The following PER3 variants were observed in gnomAD, a reference collection of about 807,000 sequenced individuals.
PER3 encodes period circadian regulator 3.
In PER3, 107 loss-of-function variants were observed where a neutral mutation model predicts 127.2. The observed-to-expected ratio is 0.84, with a 90% CI of 0.72 to 0.99. The LOEUF (loss-of-function observed/expected upper bound fraction) is 0.99, where lower values mean the gene tolerates loss of function less well. PER3 is among the 50% of genes least tolerant of loss of function. The pLI, the probability that PER3 is intolerant of heterozygous loss-of-function variation, is 0.00. For synonymous variants in PER3, 618 were observed against 585.8 expected (o/e 1.05, Z -0.79); for missense variants, 1,560 against 1,525.8 (o/e 1.02, Z -0.37).
Position 7,826,790 on chromosome 1 carries a change from T to TA in PER3, c.2188+80_2188+81insA. On this transcript the variant is annotated intron_variant, in intron 17 of 21. Transcript: ENST00000377532. This position sits in a 1 kb window ranked among gnomAD's most constrained non-coding sequence, Gnocchi z 4.2. ...TATCTAAGGACTAGGAGATAAGGAGTGAACAATAGGAGTTTTACTTGTAAG... is the reference window on the plus strand; with the variant it reads ...TATCTAAGGACTAGGAGATAAGGAGTAGAACAATAGGAGTTTTACTTGTAAG... 1.2e-6 allele frequency: 1 copy of TA among 825,436 alleles called. No homozygotes were observed. Among genetic ancestry groups the TA allele is most frequent in the Non-Finnish European group, 2.0e-6 (1 of 498,196 alleles). 51.1% of individuals were successfully genotyped at this position (825,436 alleles called of 1,614,324 possible). A position where few individuals can be genotyped will look rare whatever the true frequency, so the allele number is the denominator to read the frequency against.
chr1:7,785,599 G>GTAAAC lies in PER3; in HGVS notation c.274+13_274+14insTAAAC. 1.2e-6 allele frequency: 2 copies of GTAAAC among 1,606,726 alleles called. No individual in the cohort carries two copies. Among genetic ancestry groups the GTAAAC allele is most frequent in the Non-Finnish European group, 1.7e-6 (2 of 1,175,706 alleles). On this transcript the variant is annotated intron_variant, in intron 3 of 21. Transcript: ENST00000377532. ...CACAGCGTTCAAGGTAAACAAGCCG[G>GTAAAC]AGAGAAATTTCATCCTACGAATGCA... is the stretch of plus-strand genomic sequence containing the variant.
rs1226271504 is a variant in PER3, at chr1:7,830,111, C to T, written c.3164C>T (p.Thr1055Met). ...CATCCTACTGCCACTGTTCTGTCCA[C>T]GGGGTCACCTCCCAGCGAATCCCCA... Reference protein sequence around the residue: ...PSHPTATVLSTGSPPSESPSR... With the variant: ...PSHPTATVLSMGSPPSESPSR... The change falls in exon 19 of 22, where the codon ACG becomes ATG. Residue 1055 changes from threonine (T) to methionine (M), a missense_variant. Transcript: ENST00000377532. The T allele has an allele frequency of 4.3e-6, 7 of 1,614,188 alleles. No homozygotes were observed. Among genetic ancestry groups the T allele is most frequent in the African/African-American group, 1.3e-5 (1 of 75,066 alleles).
rs374370707 is a variant in PER3, at chr1:7,785,529, A to G, written c.217A>G (p.Lys73Glu). The change falls in exon 3 of 22, where the codon AAA (lysine) becomes GAA (glutamate). Residue 73 changes from lysine (K) to glutamate (E), a missense_variant. Lys to Glu is a moderately conservative substitution (Grantham distance 56). Around this residue, in one of 3 missense-constraint regions of PER3, gnomAD observed 1,332 missense variants for 1,223.6 expected, o/e 1.09. Transcript: ENST00000377532. ...KKYFPSERRN[K>E]PSTLDALNYA... ...ATACTTCCCCTCGGAGAGACGCAAT[A>G]AACCAAGCACTCTAGATGCCCTCAA... 6.2e-7 allele frequency: 1 copy of G among 1,613,012 alleles called. No individual in the cohort carries two copies. Among genetic ancestry groups the G allele is most frequent in the Admixed American group, 1.7e-5 (1 of 60,002 alleles).
At chr1:7,786,321 A>G (rs1243351721) in intron 3 of PER3, among the ~76,000 whole-genome samples, 4 of 152,206 alleles carry the variant, frequency 2.6e-5, no homozygotes, top group Non-Finnish European at 5.9e-5. Flanking sequence ...AAAATGAACC[A>G]TTGTAAACAC....
chr1:7,822,020 T>TGAGTAGTAGAGTAGGGAATC (rs1553317011), intron 16 of PER3, among the ~76,000 whole-genome samples: 2 of 152,116 alleles, frequency 1.3e-5, no homozygotes, highest in Non-Finnish European at 2.9e-5. Flanking sequence ...ACACAGCCCA[T>TGAGTAGTAGAGTAGGGAATC]GAGTAGTAGA....
rs774780422 is a variant in PER3, at chr1:7,788,266, G to C, written c.592+20G>C. ...AAAGAGGTAACAGGACCAATGTTCA[G>C]ATGTCTATCTTTCCTCATCAAGATC... On this transcript the variant is annotated intron_variant, in intron 5 of 21. Coordinates refer to ENST00000377532, the MANE Select transcript of PER3 (RefSeq NM_001377275.1). 1.3e-6 allele frequency: 2 copies of C among 1,525,908 alleles called. No homozygotes were observed. The highest frequency in any genetic ancestry group is 1.7e-5 in the Admixed American group (1 of 59,888). 94.5% of individuals were successfully genotyped at this position (1,525,908 alleles called of 1,614,324 possible).
At position 7,785,545 on chromosome 1, in the gene PER3, A is replaced by G. The variant is rs774062010; in HGVS notation, c.233A>G (p.Asp78Gly). 2 of 1,613,810 alleles carry G rather than the reference A, an allele frequency of 1.2e-6. No individual in the cohort carries two copies. Among genetic ancestry groups the G allele is most frequent in the Admixed American group, 3.3e-5 (2 of 60,032 alleles). ...AGACGCAATAAACCAAGCACTCTAG[A>G]TGCCCTCAACTATGCTCTCCGCTGT... ...SERRNKPSTL[D>G]ALNYALRCVH... Residue 78 changes from aspartate to glycine, a missense_variant, in exon 3 of 22, where the codon GAT becomes GGT. Physicochemically the swap from Asp to Gly is moderately conservative, Grantham distance 94. Transcript: ENST00000377532.
intron 10 of PER3, among the ~76,000 whole-genome samples, chr1:7,808,617 G>A (rs2097206327): frequency 6.6e-6 from 1 of 152,162 alleles, no homozygotes; most frequent in African/African-American, 2.4e-5. Context: ...AGCTAAGGAG[G>A]TTACTTGTCC....
In PER3 at chr1:7,823,812, A is replaced by G. The variant is rs181558907; in HGVS notation, c.1958-2668A>G. On this transcript the variant is annotated intron_variant, in intron 16 of 21. Transcript: ENST00000377532. ...AGCCACCTTGATCTAATTGACACTT[A>G]GAGAACGTGAGACCCAGTAACTGTA... 2.7e-4 allele frequency among the ~76,000 whole-genome samples: 41 copies of G among 152,370 alleles called. 1 individual carries two copies. In the East Asian group the frequency reaches 7.1e-3, roughly 26 times the overall value.
rs765102019 is a variant in PER3, at chr1:7,829,956, GCC to G, written c.3010_3011del (p.Pro1004SerfsTer78). ...CTGCCAGCGCTCTGTCCACAGGATC[GCC>G]TCCCATGAAGAATCCATCCCATCCT... The part of the protein sequence containing the change: ...PTASALSTGS[P>X]PMKNPSHPTA... On this transcript the variant is annotated frameshift_variant, in exon 19 of 22. Coordinates refer to ENST00000377532, the MANE Select transcript of PER3 (RefSeq NM_001377275.1). LOFTEE classifies it high-confidence loss of function. The G allele has an allele frequency of 3.6e-6, 4 of 1,126,188 alleles. No homozygotes were observed. Among genetic ancestry groups the G allele is most frequent in the South Asian group, 2.0e-5 (1 of 50,316 alleles). 69.8% of individuals were successfully genotyped at this position (1,126,188 alleles called of 1,614,324 possible).
In PER3 at chr1:7,829,826, C is replaced by T. The variant is rs373502305; in HGVS notation, c.2887-8C>T. The T allele has an allele frequency of 1.9e-6, 3 of 1,605,786 alleles. No individual in the cohort carries two copies. The highest frequency in any genetic ancestry group is 1.7e-5 in the Admixed American group (1 of 59,902). On this transcript the variant is annotated splice_region_variant and splice_polypyrimidine_tract_variant and intron_variant, in intron 18 of 21. Transcript: ENST00000377532. ...TAAAGTGTCTTTTCATGTGCCCTTA[C>T]TTTCTAGCAGTGTGTTACAGGCAAC...
intron 10 of PER3, among the ~76,000 whole-genome samples, chr1:7,806,795 TA>T (rs71567316): frequency 0.013 from 1,151 of 91,854 alleles, 11 homozygotes; most frequent in African/African-American, 0.022. Flanking sequence ...CCCTGTCTCT[TA>T]AAAAAAAAAA....
Position 7,827,267 on chromosome 1 carries a change from C to G in PER3, c.2338C>G (p.Pro780Ala). ...GAHQNAQPCC[P>A]SAASSPHTSS... ...GCATCAGAACGCACAGCCCTGCTGC[C>G]CCTCCGCGGCCTCCTCTCCGCACAC... Residue 780 changes from proline (P) to alanine (A), a missense_variant, in exon 18 of 22, where the codon CCC becomes GCC. By Grantham distance (27) the Pro-to-Ala change is conservative. This residue lies in a region of PER3 where 1,332 missense variants were observed against 1,223.6 expected (regional missense o/e 1.09). Coordinates refer to ENST00000377532, the MANE Select transcript of PER3 (RefSeq NM_001377275.1). 1 of 1,613,838 alleles carries G rather than the reference C, an allele frequency of 6.2e-7. No individual in the cohort carries two copies. The highest frequency in any genetic ancestry group is 1.1e-5 in the South Asian group (1 of 91,058).
At chr1:7,805,231 C>G (rs1228968912) in intron 10 of PER3, among the ~76,000 whole-genome samples, 1 of 152,120 alleles carries the variant, frequency 6.6e-6, no homozygotes, top group Non-Finnish European at 1.5e-5. Flanking sequence ...CCTCTGATGT[C>G]TATCTTTTTT....
Position 7,829,934 on chromosome 1 carries a change from CCA to C in PER3, c.2988_2989del (p.Ser997ArgfsTer85). The stretch of plus-strand genomic sequence containing the variant: ...AGGGAGAATCCATCCCATCCTACTG[CCA>C]GCGCTCTGTCCACAGGATCGCCTCC... On this transcript the variant is annotated frameshift_variant, in exon 19 of 22. Transcript: ENST00000377532. LOFTEE classifies it high-confidence loss of function. 7.8e-7 allele frequency: 1 copy of C among 1,282,370 alleles called. No individual in the cohort carries two copies. Among genetic ancestry groups the C allele is most frequent in the Non-Finnish European group, 1.0e-6 (1 of 999,176 alleles). The allele number at this position is 1,282,370 out of a possible 1,614,324, so 79.4% of individuals were successfully genotyped here. A position where few individuals can be genotyped will look rare whatever the true frequency, so the allele number is the denominator to read the frequency against.
intron 4 of PER3, 85 bp from the exon 5 acceptor site, chr1:7,787,960 T>G: frequency 1.0e-6 from 1 of 959,238 alleles, no homozygotes; most frequent in South Asian, 1.3e-5. Flanking sequence ...CTGGTCATGT[T>G]AGAGATCCAG....
intron 14 of PER3, 152 bp downstream of exon 14, chr1:7,819,572 A>C: frequency 3.0e-6 from 2 of 675,286 alleles, no homozygotes; most frequent in Non-Finnish European, 5.1e-6. Flanking sequence ...ACATACGCTG[A>C]ACATTTCAGA....
intron 18 of PER3, among the ~76,000 whole-genome samples, chr1:7,829,199 A>G (rs547711146): frequency 2.0e-5 from 3 of 152,344 alleles, no homozygotes; most frequent in South Asian, 2.1e-4. Flanking sequence ...CCGTATATAC[A>G]GTATGTTTTT....
In PER3 at chr1:7,827,121, A is replaced by T. The variant is rs571672313; in HGVS notation, c.2192A>T (p.Asp731Val). 6.3e-6 allele frequency: 10 copies of T among 1,585,284 alleles called. No homozygotes were observed. Among genetic ancestry groups the T allele is most frequent in the Admixed American group, 5.5e-5 (3 of 54,838 alleles). ...GCCTCTACCTTTATCCTTCCAGGAG[A>T]TTCTACTTCCAAGCAGACGCGGTCG... Reference protein sequence around the residue: ...SKAKYSYFQGDSTSKQTRSAG... With the variant: ...SKAKYSYFQGVSTSKQTRSAG... Residue 731 changes from aspartate (D) to valine (V), a missense_variant, in exon 18 of 22, where the codon GAT (aspartate) becomes GTT (valine). Around this residue, in one of 3 missense-constraint regions of PER3, gnomAD observed 1,332 missense variants for 1,223.6 expected, o/e 1.09. Transcript: ENST00000377532.
Sources: gnomAD v4.1 joint callset for allele counts (sites outside exome capture counted in the v4.1 genomes callset) on GRCh38, gnomAD v4.1.1 for gene constraint, gnomAD v4.1.1 regional missense constraint, Gnocchi (gnomAD v3.1) non-coding constraint, MANE v1.5 for transcripts, NCBI Gene and HGNC (gene_info 2026-07-23, HGNC 2026-07-21) for gene names.